CDKN2AIP: variants seen among roughly 807,000 people sequenced by gnomAD.
CDKN2AIP encodes the protein CDKN2A interacting protein.
A neutral mutation model predicts 44.1 loss-of-function variants in CDKN2AIP; 12 were observed. The ratio of observed to expected loss-of-function variants is 0.27; its 90% CI spans 0.17 to 0.44. The LOEUF (loss-of-function observed/expected upper bound fraction) is 0.44, where lower values mean the gene tolerates loss of function less well. Ranked by LOEUF, CDKN2AIP falls within the 20% of genes least tolerant of loss-of-function variation. The pLI, the probability that CDKN2AIP is intolerant of heterozygous loss-of-function variation, is 1.00. For synonymous variants in CDKN2AIP, 291 were observed against 272.1 expected, an observed-to-expected ratio of 1.07 and a Z score of -0.68; for missense variants, 705 against 681.6, an observed-to-expected ratio of 1.03 and a Z score of -0.38.
In CDKN2AIP at chr4:183,446,932, G is replaced by C; in HGVS notation, c.1248G>C (p.Gln416His). The part of the protein sequence containing the change: ...TSQLPSKSTS[Q>H]SSESSVKFSC... ...AGTTGCCTTCTAAAAGTACTTCACA[G>C]TCAAGTGAGAGTTCTGTCAAATTCT... The change falls in exon 3 of 3, where the codon CAG becomes CAC. Residue 416 changes from glutamine to histidine, a missense_variant. By Grantham distance (24) the Gln-to-His change is conservative. This residue lies in a region of CDKN2AIP where 592 missense variants were observed against 518.0 expected (regional missense o/e 1.14). Coordinates refer to ENST00000504169, the MANE Select transcript of CDKN2AIP (RefSeq NM_017632.4). 6.2e-7 allele frequency: 1 copy of C among 1,614,206 alleles called. No individual in the cohort carries two copies. Among genetic ancestry groups the C allele is most frequent in the Non-Finnish European group, 8.5e-7 (1 of 1,180,030 alleles).
chr4:183,447,574 G>T lies in CDKN2AIP; in HGVS notation c.*147G>T. 1.8e-6 allele frequency: 1 copy of T among 551,796 alleles called. No homozygotes were observed. Among genetic ancestry groups the T allele is most frequent in the Admixed American group, 3.5e-5 (1 of 28,656 alleles). 34.2% of individuals were successfully genotyped at this position (551,796 alleles called of 1,614,324 possible). A position where few individuals can be genotyped will look rare whatever the true frequency, so the allele number is the denominator to read the frequency against. On this transcript the variant is annotated 3_prime_UTR_variant, in exon 3 of 3. Coordinates refer to ENST00000504169, the MANE Select transcript of CDKN2AIP (RefSeq NM_017632.4). The stretch of plus-strand genomic sequence containing the variant: ...TTTACATTCTAGTTCTCTTCACACA[G>T]TAGCAGTTGTAAATAATTTATGAAT...
chr4:183,444,818 G>A lies in CDKN2AIP; in HGVS notation c.21G>A (p.Glu7=). MAQEVS[E]YLSQNPRVAA... is the part of the protein sequence containing the mutation. ...CCAACATGGCGCAGGAGGTGTCGGAGTACCTGAGCCAGAACCCGCGGGTGG... is the reference window on the plus strand; with the variant it reads ...CCAACATGGCGCAGGAGGTGTCGGAATACCTGAGCCAGAACCCGCGGGTGG... Residue 7 remains glutamate (E), a synonymous_variant, in exon 1 of 3, where the codon GAG becomes GAA. Coordinates refer to ENST00000504169, the MANE Select transcript of CDKN2AIP (RefSeq NM_017632.4). 2 of 1,548,830 alleles carry A rather than the reference G, an allele frequency of 1.3e-6. No individual in the cohort carries two copies. The highest frequency in any genetic ancestry group is 2.7e-5 in the African/African-American group (2 of 73,322).
chr4:183,445,241 C>T (rs1440538247), intron 1 of CDKN2AIP, 172 bp downstream of exon 1: 6 of 770,734 alleles, frequency 7.8e-6, no homozygotes, highest in Non-Finnish European at 1.2e-5. Context: ...TGCGAGGAGC[C>T]GACATGATTC....
intron 1 of CDKN2AIP, 52 bp from the exon 2 acceptor site, chr4:183,445,483 G>A (rs1000956513): frequency 9.7e-7 from 1 of 1,028,922 alleles, no homozygotes; most frequent in Non-Finnish European, 1.4e-6. Context: ...TTTTGCACAA[G>A]TAGGACCTTA....
Position 183,446,774 on chromosome 4 carries a change from T to TA in CDKN2AIP, c.1090_1091insA (p.Ser364TyrfsTer36). 6.2e-7 allele frequency: 1 copy of TA among 1,614,218 alleles called. No individual in the cohort carries two copies. Among genetic ancestry groups the TA allele is most frequent in the Non-Finnish European group, 8.5e-7 (1 of 1,180,038 alleles). On this transcript the variant is annotated frameshift_variant, in exon 3 of 3. Coordinates refer to ENST00000504169, the MANE Select transcript of CDKN2AIP (RefSeq NM_017632.4). LOFTEE classifies it high-confidence loss of function. Reference sequence around the variant, plus strand: ...ATCGCTGCTAACTTCCAAGAGCACTTCCCAGGTAGCTGCATCACTACTAGC... The same window carrying TA: ...ATCGCTGCTAACTTCCAAGAGCACTTACCCAGGTAGCTGCATCACTACTAGC...
At position 183,444,639 on chromosome 4, in the gene CDKN2AIP, G is replaced by GGGCGGTTC. The variant is rs1452699357; in HGVS notation, c.-153_-146dup. Reference sequence around the variant, plus strand: ...GAAGAAGCCGGCGGTGGGCGGAAGTGGGCGGTTCGGCGGCTCTGGGCGCTG... The same window carrying GGGCGGTTC: ...GAAGAAGCCGGCGGTGGGCGGAAGTGGGCGGTTCGGCGGTTCGGCGGCTCTGGGCGCTG... On this transcript the variant is annotated 5_prime_UTR_variant, in exon 1 of 3. Coordinates refer to ENST00000504169, the MANE Select transcript of CDKN2AIP (RefSeq NM_017632.4). The GGGCGGTTC allele has an allele frequency of 6.1e-5, 35 of 573,086 alleles. No homozygotes were observed. Among genetic ancestry groups the GGGCGGTTC allele is most frequent in the Non-Finnish European group, 8.6e-5 (31 of 359,914 alleles). 35.5% of individuals were successfully genotyped at this position (573,086 alleles called of 1,614,324 possible). A position where few individuals can be genotyped will look rare whatever the true frequency, so the allele number is the denominator to read the frequency against.
rs776285795 is a variant in CDKN2AIP at position 183,447,157 on chromosome 4, G to C, written c.1473G>C (p.Leu491=). The C allele has an allele frequency of 1.2e-6, 2 of 1,614,158 alleles. No homozygotes were observed. Among genetic ancestry groups the C allele is most frequent in the African/African-American group, 1.3e-5 (1 of 75,062 alleles). ...FFVPLKELAD[L]PQNKSSQESI... is the part of the protein sequence containing the mutation. The stretch of plus-strand genomic sequence containing the variant: ...TCCCACTAAAAGAATTGGCAGATCT[G>C]CCTCAAAATAAGAGCTCTCAAGAAA... The change falls in exon 3 of 3, where the codon CTG becomes CTC. Residue 491 remains leucine (L), a synonymous_variant. Transcript: ENST00000504169.
At position 183,446,392 on chromosome 4, in the gene CDKN2AIP, A is replaced by G; in HGVS notation, c.708A>G (p.Pro236=). The change falls in exon 3 of 3, where the codon CCA becomes CCG. Residue 236 remains proline, a synonymous_variant. Transcript: ENST00000504169. ...GGAAAGCTTCTGAAGCAGAAGCTCC[A>G]GATAAACACGGTTCTGCATCATTTG... ...GSGKASEAEA[P]DKHGSASFVS... 6.3e-7 allele frequency: 1 copy of G among 1,579,490 alleles called. No individual in the cohort carries two copies. The highest frequency in any genetic ancestry group is 1.8e-5 in the Admixed American group (1 of 57,110).
At chr4:183,445,206 C>A (rs1733640743) in intron 1 of CDKN2AIP, 137 bp downstream of exon 1, 2 of 1,110,190 alleles carry the variant, frequency 1.8e-6, no homozygotes, top group Admixed American at 2.6e-5. Flanking sequence ...GCCCGGCTGC[C>A]CTCTAAGGGG....
chr4:183,446,238 C>T lies in CDKN2AIP; in HGVS notation c.554C>T (p.Ser185Leu). The part of the protein sequence containing the change: ...SSTCIGSAIK[S>L]ESGNSARSSG... The stretch of plus-strand genomic sequence containing the variant: ...ACGTGTATAGGGTCGGCCATCAAAT[C>T]AGAGAGTGGGAACTCAGCTCGGAGC... Residue 185 changes from serine (S) to leucine (L), a missense_variant, in exon 3 of 3, where the codon TCA (serine) becomes TTA (leucine). Transcript: ENST00000504169. The T allele has an allele frequency of 6.2e-7, 1 of 1,614,120 alleles. No homozygotes were observed. Among genetic ancestry groups the T allele is most frequent in the Non-Finnish European group, 8.5e-7 (1 of 1,179,946 alleles).
In CDKN2AIP at chr4:183,446,162, A is replaced by G. The variant is rs768216363; in HGVS notation, c.478A>G (p.Lys160Glu). The change falls in exon 3 of 3, where the codon AAA becomes GAA. Residue 160 changes from lysine to glutamate, a missense_variant. By Grantham distance (56) the Lys-to-Glu change is moderately conservative. Coordinates refer to ENST00000504169, the MANE Select transcript of CDKN2AIP (RefSeq NM_017632.4). ...TTCTGCAGTTGAGCAAGATCACGCA[A>G]AAACCTCTGCCAAGACAGAACGTGC... Reference protein sequence around the residue: ...NSSAVEQDHAKTSAKTERASA... With the variant: ...NSSAVEQDHAETSAKTERASA... The G allele has an allele frequency of 1.4e-5, 23 of 1,614,014 alleles. No homozygotes were observed. Among genetic ancestry groups the G allele is most frequent in the South Asian group, 2.2e-5 (2 of 91,090 alleles).
chr4:183,446,062 C>A, intron 2 of CDKN2AIP, 26 bp from the exon 3 acceptor site: 1 of 1,552,998 alleles, frequency 6.4e-7, no homozygotes, highest in Non-Finnish European at 8.7e-7. Flanking sequence ...TTCTTAGTCA[C>A]ATATCTATGT....
Position 183,448,665 on chromosome 4 carries a change from AAG to A in CDKN2AIP, c.*1240_*1241del, listed in dbSNP as rs1560950315. ...ATGGTGATAATATAGAGAGAAAAGA[AAG>A]ACCTTTCATGGGCCAGTTGTGTTGG... On this transcript the variant is annotated 3_prime_UTR_variant, in exon 3 of 3. Coordinates refer to ENST00000504169, the MANE Select transcript of CDKN2AIP (RefSeq NM_017632.4). Among the ~76,000 whole-genome samples the A allele has an allele frequency of 6.6e-6, 1 of 152,186 alleles. No homozygotes were observed.
Position 183,445,019 on chromosome 4 carries a change from G to C in CDKN2AIP, c.222G>C (p.Gln74His), listed in dbSNP as rs1733635363. Residue 74 changes from glutamine (Q) to histidine (H), a missense_variant, in exon 1 of 3, where the codon CAG becomes CAC. Gln to His is a conservative substitution (Grantham distance 24, BLOSUM62 0). Coordinates refer to ENST00000504169, the MANE Select transcript of CDKN2AIP (RefSeq NM_017632.4). Reference protein sequence around the residue: ...ESGTRNRQLQQLISFSMAWAN... With the variant: ...ESGTRNRQLQHLISFSMAWAN... Reference sequence around the variant, plus strand: ...GGACCCGAAACCGGCAGCTGCAGCAGCTCATCTCCTTTTCCATGGCCTGGG... The same window carrying C: ...GGACCCGAAACCGGCAGCTGCAGCACCTCATCTCCTTTTCCATGGCCTGGG... 1.9e-6 allele frequency: 3 copies of C among 1,601,496 alleles called. No individual in the cohort carries two copies. The highest frequency in any genetic ancestry group is 2.2e-5 in the South Asian group (2 of 90,012).
At position 183,445,160 on chromosome 4, in the gene CDKN2AIP, C is replaced by T. The variant is rs370278455; in HGVS notation, c.272+91C>T. 7 of 1,451,074 alleles carry T rather than the reference C, an allele frequency of 4.8e-6. No individual in the cohort carries two copies. The East Asian group carries it at 1.6e-4, about 34-fold the overall frequency. 89.9% of individuals were successfully genotyped at this position (1,451,074 alleles called of 1,614,324 possible). A position where few individuals can be genotyped will look rare whatever the true frequency, so the allele number is the denominator to read the frequency against. Reference sequence around the variant, plus strand: ...GCGCCCTCCGCGGGACCGGCCTCGGCGGGGAGGGGAAGTTGTGAAGCGCGG... The same window carrying T: ...GCGCCCTCCGCGGGACCGGCCTCGGTGGGGAGGGGAAGTTGTGAAGCGCGG... On this transcript the variant is annotated intron_variant, in intron 1 of 2. Transcript: ENST00000504169.
Position 183,444,902 on chromosome 4 carries a change from C to T in CDKN2AIP, c.105C>T (p.Arg35=), listed in dbSNP as rs1235801401. The part of the protein sequence containing the change: ...DGETDKHWRH[R]RDFLLRNAGD... ...AGACTGACAAACACTGGCGCCACCG[C>T]CGGGATTTTTTGCTTCGCAACGCCG... is the stretch of plus-strand genomic sequence containing the variant. Residue 35 remains arginine (R), a synonymous_variant, in exon 1 of 3, where the codon CGC becomes CGT. Transcript: ENST00000504169. The T allele has an allele frequency of 1.2e-6, 2 of 1,608,952 alleles. No individual in the cohort carries two copies. The highest frequency in any genetic ancestry group is 1.3e-5 in the African/African-American group (1 of 74,866).
Position 183,444,893 on chromosome 4 carries a change from G to A in CDKN2AIP, c.96G>A (p.Trp32Ter). ...LRCDGETDKH[W>*]RHRRDFLLRN... ...GCGACGGCGAGACTGACAAACACTG[G>A]CGCCACCGCCGGGATTTTTTGCTTC... The change falls in exon 1 of 3, where the codon TGG becomes TGA. Residue 32 changes from tryptophan (W) to a stop codon, truncating the protein, a stop_gained. Coordinates refer to ENST00000504169, the MANE Select transcript of CDKN2AIP (RefSeq NM_017632.4). LOFTEE classifies it high-confidence loss of function. 6.2e-7 allele frequency: 1 copy of A among 1,606,422 alleles called. No homozygotes were observed. Among genetic ancestry groups the A allele is most frequent in the Non-Finnish European group, 8.5e-7 (1 of 1,176,824 alleles).
intron 1 of CDKN2AIP, 79 bp from the exon 2 acceptor site, chr4:183,445,456 A>T: frequency 9.3e-7 from 1 of 1,072,350 alleles, no homozygotes. Flanking sequence ...CAGGAAATGC[A>T]GTCCCTGTGG....
Position 183,447,160 on chromosome 4 carries a change from T to G in CDKN2AIP, c.1476T>G (p.Pro492=). The G allele has an allele frequency of 6.2e-7, 1 of 1,614,158 alleles. No individual in the cohort carries two copies. Among genetic ancestry groups the G allele is most frequent in the South Asian group, 1.1e-5 (1 of 91,078 alleles). The change falls in exon 3 of 3, where the codon CCT becomes CCG. Residue 492 remains proline, a synonymous_variant. Coordinates refer to ENST00000504169, the MANE Select transcript of CDKN2AIP (RefSeq NM_017632.4). The part of the protein sequence containing the change: ...FVPLKELADL[P]QNKSSQESIV... ...CACTAAAAGAATTGGCAGATCTGCC[T>G]CAAAATAAGAGCTCTCAAGAAAGTA...
Sources: allele counts gnomAD v4.1 joint callset (sites outside exome capture counted in the v4.1 genomes callset), GRCh38; gene constraint gnomAD v4.1.1; regional missense constraint gnomAD v4.1.1; transcripts MANE v1.5; gene names NCBI Gene and HGNC (gene_info 2026-07-23, HGNC 2026-07-21).